INO80: variants seen among roughly 807,000 people sequenced by gnomAD.
INO80 encodes chromatin-remodeling ATPase INO80.
INO80 carries 20 observed loss-of-function variants against 203.4 expected under a neutral mutation model. The ratio of observed to expected loss-of-function variants is 0.10; its 90% confidence interval spans 0.07 to 0.14. The LOEUF (loss-of-function observed/expected upper bound fraction) is 0.14, where lower values mean the gene tolerates loss of function less well. INO80 is among the 10% of genes least tolerant of loss of function. INO80 has a pLI of 1.00. For synonymous variants in INO80, 726 were observed against 685.2 expected (o/e 1.06, Z -0.93); for missense variants, 1,419 against 1,914.4 (o/e 0.74, Z 4.83).
chr15:40,984,865 C>T (rs528652204), intron 32 of INO80, among the ~76,000 whole-genome samples: 1 of 152,210 alleles, frequency 6.6e-6, no homozygotes, highest in Non-Finnish European at 1.5e-5. Context: ...ATTTTTAAGA[C>T]AGTTCAAATC....
chr15:41,007,833 C>T (rs1282682867), intron 27 of INO80, among the ~76,000 whole-genome samples: 1 of 150,964 alleles, frequency 6.6e-6, no homozygotes, highest in Admixed American at 6.6e-5. Context: ...GCGACATCTA[C>T]ATCCTCACAC....
chr15:41,104,572 C>T lies in INO80; in HGVS notation c.-43-8219G>A, dbSNP rs529998692. 2.7e-3 allele frequency among the ~76,000 whole-genome samples: 410 copies of T among 152,166 alleles called. 3 individuals carry two copies. Among genetic ancestry groups the T allele is most frequent in the South Asian group, 0.013 (61 of 4,826 alleles). ...CTTTTTTTTAAAGGGGAGTCTTGCT[C>T]TTTCTCCCAGGCTGGAGTGCAGTGG... On this transcript the variant is annotated intron_variant, in intron 1 of 35. Coordinates refer to ENST00000648947, the MANE Select transcript of INO80 (RefSeq NM_017553.3).
At chr15:41,063,950 A>T (rs1011524530) in intron 14 of INO80, among the ~76,000 whole-genome samples, 1 of 152,188 alleles carries the variant, frequency 6.6e-6, no homozygotes, top group Non-Finnish European at 1.5e-5. Flanking sequence ...AAATTTCATA[A>T]TAATAAAAGG....
chr15:40,981,561 A>C (rs941820595), intron 35 of INO80, among the ~76,000 whole-genome samples: 1 of 152,216 alleles, frequency 6.6e-6, no homozygotes, highest in African/African-American at 2.4e-5. Context: ...TAAACTAACA[A>C]TTACTGAGCA....
At chr15:41,020,856 CT>C in intron 26 of INO80, 43 bp downstream of exon 26, 1 of 1,288,994 alleles carries the variant, frequency 7.8e-7, no homozygotes, top group Non-Finnish European at 1.1e-6. Context: ...TGGTTCTCCC[CT>C]TGCCAAAGCG....
In INO80 at chr15:41,073,464, C is replaced by A. The variant is rs1203604235; in HGVS notation, c.1359G>T (p.Lys453Asn). The change falls in exon 11 of 36, where the codon AAG (lysine) becomes AAT (asparagine). Residue 453 changes from lysine (K) to asparagine (N), a missense_variant. Transcript: ENST00000648947. ...DSNHFKAQAL[K>N]NAENAYHIHQ... ...GAATATGGTAAGCATTTTCAGCATT[C>A]TTCAGGGCCTGGGCTTTAAAATGGT... 1 of 1,614,000 alleles carries A rather than the reference C, an allele frequency of 6.2e-7. No homozygotes were observed. The highest frequency in any genetic ancestry group is 1.3e-5 in the African/African-American group (1 of 74,912).
rs1170527874 is a variant in INO80 at position 40,987,795 on chromosome 15, ATTTC to A, written c.3729+17_3729+20del. 4 of 1,605,314 alleles carry A rather than the reference ATTTC, an allele frequency of 2.5e-6. No individual in the cohort carries two copies. The highest frequency in any genetic ancestry group is 1.3e-5 in the African/African-American group (1 of 74,666). ...TTCTGTTTGCTCCACCAGTGTAGGA[ATTTC>A]TTTCTCTTGTGCTTACCTCACTCTT... is the stretch of plus-strand genomic sequence containing the variant. On this transcript the variant is annotated intron_variant, in intron 30 of 35. Coordinates refer to ENST00000648947, the MANE Select transcript of INO80 (RefSeq NM_017553.3).
chr15:41,024,470 T>A (rs924676754), intron 25 of INO80: 2 of 152,056 alleles, frequency 1.3e-5, no homozygotes, highest in African/African-American at 4.8e-5. Context: ...AAATGCATAC[T>A]CTCCCTCGTC....
At chr15:41,072,743 A>T (rs745441125) in intron 11 of INO80, among the ~76,000 whole-genome samples, 1 of 151,602 alleles carries the variant, frequency 6.6e-6, no homozygotes, top group Non-Finnish European at 1.5e-5. Context: ...GTTTTTTGAA[A>T]CCATGATATG....
rs73401674 is a variant in INO80, at chr15:41,040,203, T to C, written c.2907+4701A>G. Among the ~76,000 whole-genome samples, 617 of 151,908 alleles carry C rather than the reference T, an allele frequency of 4.1e-3. 9 individuals carry two copies. Among genetic ancestry groups the C allele is most frequent in the African/African-American group, 0.014 (586 of 41,436 alleles). On this transcript the variant is annotated intron_variant, in intron 24 of 35. Transcript: ENST00000648947. ...GCTACCAAAAAAAAAGGAAAGAAAA[T>C]ATGATAAAATAAAATTTATATGCCA...
intron 16 of INO80, among the ~76,000 whole-genome samples, chr15:41,057,369 T>C (rs994833869): frequency 2.6e-5 from 4 of 151,748 alleles, no homozygotes; most frequent in African/African-American, 4.8e-5. Flanking sequence ...GGAGGATCGT[T>C]TGAGACAGGG....
chr15:41,093,690 C>T (rs2045678571), intron 4 of INO80, among the ~76,000 whole-genome samples: 1 of 151,814 alleles, frequency 6.6e-6, no homozygotes, highest in African/African-American at 2.4e-5. Flanking sequence ...ATGGTGAAAC[C>T]CCCAAAAATT....
intron 35 of INO80, 82 bp from the exon 36 acceptor site, chr15:40,980,522 T>C (rs933992035): frequency 1.9e-6 from 2 of 1,049,092 alleles, no homozygotes; most frequent in African/African-American, 3.2e-5. Context: ...GTTACCAGAG[T>C]CTGAGCTGGA....
At position 41,021,196 on chromosome 15, in the gene INO80, A is replaced by T. The variant is rs982774534; in HGVS notation, c.3049-71T>A. Reference sequence around the variant, plus strand: ...ACACACTATGCCTTTTGGGAACCTCAACTTTGAAATCAGACTAATGTGGAT... The same window carrying T: ...ACACACTATGCCTTTTGGGAACCTCTACTTTGAAATCAGACTAATGTGGAT... On this transcript the variant is annotated intron_variant, in intron 25 of 35. Transcript: ENST00000648947. 3 of 1,041,670 alleles carry T rather than the reference A, an allele frequency of 2.9e-6. No homozygotes were observed. In the African/African-American group the frequency reaches 4.7e-5, roughly 16 times the overall value. The allele number at this position is 1,041,670 out of a possible 1,614,324, so 64.5% of individuals were successfully genotyped here.
At chr15:41,036,854 G>A (rs956546180) in intron 24 of INO80, among the ~76,000 whole-genome samples, 1 of 152,120 alleles carries the variant, frequency 6.6e-6, no homozygotes, top group African/African-American at 2.4e-5. Flanking sequence ...GGCCGAGGCA[G>A]GCCAGTTACT....
Position 41,044,891 on chromosome 15 carries a change from A to G in INO80, c.2907+13T>C, listed in dbSNP as rs754736274. 6.3e-7 allele frequency: 1 copy of G among 1,586,876 alleles called. No homozygotes were observed. Among genetic ancestry groups the G allele is most frequent in the Non-Finnish European group, 8.5e-7 (1 of 1,171,366 alleles). On this transcript the variant is annotated intron_variant, in intron 24 of 35. Transcript: ENST00000648947. Reference sequence around the variant, plus strand: ...ATACTAAGTAGGTAATTTATGCTCAAATAATTGCTTACCTTTAACAAAGGG... The same window carrying G: ...ATACTAAGTAGGTAATTTATGCTCAGATAATTGCTTACCTTTAACAAAGGG...
At chr15:41,056,086 G>A (rs1187967216) in intron 17 of INO80, among the ~76,000 whole-genome samples, 2 of 151,712 alleles carry the variant, frequency 1.3e-5, no homozygotes, top group South Asian at 2.1e-4. Context: ...TAAGACTACA[G>A]GCATGCACCA....
intron 17 of INO80, 91 bp from the exon 18 acceptor site, chr15:41,055,455 AGTGT>A (rs1236005953): frequency 3.0e-6 from 2 of 674,544 alleles, no homozygotes; most frequent in Admixed American, 2.6e-5. Context: ...CAGGTGTATT[AGTGT>A]GTAAGTGCCT....
chr15:41,067,988 A>G (rs1391601926), intron 14 of INO80, among the ~76,000 whole-genome samples: 1 of 152,196 alleles, frequency 6.6e-6, no homozygotes, highest in Non-Finnish European at 1.5e-5. Flanking sequence ...GTCTTGCCCA[A>G]TGGATGCCAA....
Sources: gnomAD v4.1 joint callset for allele counts (sites outside exome capture counted in the v4.1 genomes callset) on GRCh38, gnomAD v4.1.1 for gene constraint, MANE v1.5 for transcripts, NCBI Gene and HGNC (gene_info 2026-07-23, HGNC 2026-07-21) for gene names.